DCDC2: variants seen among roughly 807,000 people sequenced by gnomAD.
DCDC2 encodes doublecortin domain containing 2.
A neutral mutation model predicts 50.2 loss-of-function variants in DCDC2; 40 were observed. The ratio of observed to expected loss-of-function variants is 0.80; its 90% CI spans 0.62 to 1.04. The LOEUF (loss-of-function observed/expected upper bound fraction) is 1.04, where lower values mean the gene tolerates loss of function less well. DCDC2 is among the 50% of genes least tolerant of loss of function. The pLI, the probability that DCDC2 is intolerant of heterozygous loss-of-function variation, is 0.00. For missense variants in DCDC2, 570 were observed against 581.9 expected (o/e 0.98, Z 0.21); for synonymous variants, 234 against 210.6 (o/e 1.11, Z -0.96).
intron 7 of DCDC2, among the ~76,000 whole-genome samples, chr6:24,226,506 A>C (rs952092720): frequency 7.9e-5 from 12 of 152,220 alleles, no homozygotes; most frequent in Non-Finnish European, 1.6e-4. Context: ...CTTGCATCCA[A>C]AAGAGACAGG....
chr6:24,314,121 A>C (rs72830893), intron 2 of DCDC2, among the ~76,000 whole-genome samples: 6,080 of 152,342 alleles, frequency 0.04, 165 homozygotes, highest in Non-Finnish European at 0.061. Flanking sequence ...CAAAAATACT[A>C]AAGTGTTATT....
chr6:24,376,455 T>G, the DCDC2 span, among the ~76,000 whole-genome samples: 48 of 152,180 alleles, frequency 3.2e-4, 1 homozygote, highest in Non-Finnish European at 5.4e-4. Flanking sequence ...GGGCCAGCAC[T>G]TGGCTGCACG....
At position 24,174,699 on chromosome 6, in the gene DCDC2, G is replaced by A; in HGVS notation, c.*31C>T. 6.9e-7 allele frequency: 1 copy of A among 1,453,822 alleles called. No homozygotes were observed. Among genetic ancestry groups the A allele is most frequent in the Non-Finnish European group, 9.6e-7 (1 of 1,039,186 alleles). 90.1% of individuals were successfully genotyped at this position (1,453,822 alleles called of 1,614,324 possible). On this transcript the variant is annotated 3_prime_UTR_variant, in exon 10 of 10. Coordinates refer to ENST00000378454, the MANE Select transcript of DCDC2 (RefSeq NM_016356.5). Reference sequence around the variant, plus strand: ...AGTATGATAACCCTTCATTTTTCTTGCGATCCATATACTCTCTTTTTAAAA... The same window carrying A: ...AGTATGATAACCCTTCATTTTTCTTACGATCCATATACTCTCTTTTTAAAA...
chr6:24,178,118 A>C (rs1460157748), intron 9 of DCDC2, among the ~76,000 whole-genome samples: 1 of 152,226 alleles, frequency 6.6e-6, no homozygotes, highest in South Asian at 2.1e-4. Flanking sequence ...GAATGGCAGA[A>C]GGGCAGACAC....
intron 9 of DCDC2, 22 bp downstream of exon 9, chr6:24,178,308 C>T (rs1310674763): frequency 2.5e-6 from 4 of 1,603,168 alleles, no homozygotes; most frequent in Non-Finnish European, 3.4e-6. Flanking sequence ...TTCACATAAG[C>T]AAGCAAAAGC....
intron 6 of DCDC2, among the ~76,000 whole-genome samples, chr6:24,280,937 A>T (rs1286448178): frequency 1.3e-5 from 2 of 152,182 alleles, no homozygotes; most frequent in Non-Finnish European, 2.9e-5. Context: ...TGAACTTGCA[A>T]GGACTGGAAT....
intron 7 of DCDC2, among the ~76,000 whole-genome samples, chr6:24,241,826 T>C (rs1160740924): frequency 6.6e-6 from 1 of 152,212 alleles, no homozygotes; most frequent in East Asian, 1.9e-4. Context: ...ATAGAATATA[T>C]GAGTGTACTT....
At chr6:24,372,337 T>C in the DCDC2 span, among the ~76,000 whole-genome samples, 6 of 151,554 alleles carry the variant, frequency 4.0e-5, no homozygotes, top group South Asian at 6.3e-4. Flanking sequence ...GAGAATGGCG[T>C]GAACCCGGGA....
intron 2 of DCDC2, among the ~76,000 whole-genome samples, chr6:24,305,044 G>A (rs538861638): frequency 3.7e-4 from 57 of 152,254 alleles, no homozygotes; most frequent in Admixed American, 3.6e-3. Context: ...TTGAATTAAA[G>A]GCAAAAGTTA....
At chr6:24,240,230 G>C (rs1345140802) in intron 7 of DCDC2, among the ~76,000 whole-genome samples, 2 of 152,124 alleles carry the variant, frequency 1.3e-5, no homozygotes, top group African/African-American at 4.8e-5. Flanking sequence ...TTATTTGTTA[G>C]ATTAGTTTAA....
At chr6:24,319,895 C>T (rs1479058667) in intron 2 of DCDC2, among the ~76,000 whole-genome samples, 1 of 152,020 alleles carries the variant, frequency 6.6e-6, no homozygotes, top group Non-Finnish European at 1.5e-5. Context: ...CTTTTAGGAC[C>T]ATGGCAAATA....
chr6:24,301,867 C>T (rs1360134976), intron 3 of DCDC2, 21 bp from the exon 4 acceptor site: 1 of 1,614,030 alleles, frequency 6.2e-7, no homozygotes, highest in Non-Finnish European at 8.5e-7. Context: ...GGGGGCAAAC[C>T]TTCTGAAACA....
chr6:24,237,694 G>A (rs1197837324), intron 7 of DCDC2, among the ~76,000 whole-genome samples: 2 of 152,148 alleles, frequency 1.3e-5, no homozygotes, highest in Non-Finnish European at 2.9e-5. Context: ...GGTGGATTGG[G>A]TAAAGAAAAT....
chr6:24,317,010 G>C (rs1319814099), intron 2 of DCDC2, among the ~76,000 whole-genome samples: 1 of 150,362 alleles, frequency 6.7e-6, no homozygotes, highest in African/African-American at 2.5e-5. Flanking sequence ...GAGAGAGAGA[G>C]ACAAATTTGA....
intron 2 of DCDC2, among the ~76,000 whole-genome samples, chr6:24,348,200 T>C (rs1419319072): frequency 6.6e-6 from 1 of 152,144 alleles, no homozygotes; most frequent in African/African-American, 2.4e-5. Flanking sequence ...TGTAGGTTTG[T>C]AGGGTTTGGA....
chr6:24,293,335 G>A (rs1763790293), intron 4 of DCDC2, among the ~76,000 whole-genome samples: 1 of 152,148 alleles, frequency 6.6e-6, no homozygotes, highest in African/African-American at 2.4e-5. Context: ...AGCAAGTTCA[G>A]TAAATTTTTA....
At chr6:24,200,968 A>G (rs568303295) in intron 8 of DCDC2, among the ~76,000 whole-genome samples, 2 of 152,340 alleles carry the variant, frequency 1.3e-5, no homozygotes, top group South Asian at 4.1e-4. Flanking sequence ...TCCTAAATAT[A>G]TATGAACCCA....
chr6:24,233,153 A>G (rs1762373915), intron 7 of DCDC2, among the ~76,000 whole-genome samples: 6 of 152,206 alleles, frequency 3.9e-5, no homozygotes, highest in South Asian at 4.1e-4. Flanking sequence ...CTTCCCAACA[A>G]TATATAATTT....
At position 24,243,512 on chromosome 6, in the gene DCDC2, G is replaced by A. The variant is rs116825712; in HGVS notation, c.922+34537C>T. Among the ~76,000 whole-genome samples the A allele has an allele frequency of 5.8e-3, 889 of 152,192 alleles. 14 individuals are homozygous for A. Among genetic ancestry groups the A allele is most frequent in the African/African-American group, 0.02 (831 of 41,512 alleles). On this transcript the variant is annotated intron_variant, in intron 7 of 9. Transcript: ENST00000378454. ...ATGATTTAATGTGTTTAAAATGCTC[G>A]GAATAACACCTGCCATCTTATGAGT...
Sources: allele counts gnomAD v4.1 joint callset (sites outside exome capture counted in the v4.1 genomes callset), GRCh38; gene constraint gnomAD v4.1.1; transcripts MANE v1.5; gene names NCBI Gene and HGNC (gene_info 2026-07-23, HGNC 2026-07-21).